The following SPOCK1 variants were observed in gnomAD, a reference collection of about 807,000 sequenced individuals.
SPOCK1 encodes the protein testican-1.
SPOCK1 carries 23 observed loss-of-function variants against 55.3 expected under a neutral mutation model. The observed-to-expected ratio is 0.42, with a 90% CI of 0.30 to 0.59. The LOEUF (loss-of-function observed/expected upper bound fraction) is 0.59. Ranked by LOEUF, SPOCK1 falls within the 20% of genes least tolerant of loss-of-function variation. The probability of loss-of-function intolerance (pLI) is 0.22; values close to 1 mark genes in which losing one functional copy is unlikely to be tolerated. For missense variants in SPOCK1, 499 were observed against 552.5 expected, an observed-to-expected ratio of 0.90 and a Z score of 0.97; for synonymous variants, 226 against 221.0, an observed-to-expected ratio of 1.02 and a Z score of -0.20.
chr5:137,098,984 G>C (rs1420486736), intron 5 of SPOCK1, among the ~76,000 whole-genome samples: 2 of 37,732 alleles, frequency 5.3e-5, no homozygotes, highest in East Asian at 1.6e-3. Context: ...CAACAAATGA[G>C]AGCAGGCTTT....
chr5:137,114,665 A>G (rs377652096), intron 4 of SPOCK1, among the ~76,000 whole-genome samples: 1 of 152,230 alleles, frequency 6.6e-6, no homozygotes, highest in East Asian at 1.9e-4. Context: ...GGCTGTCAGC[A>G]TGGGGTTAAT....
intron 6 of SPOCK1, among the ~76,000 whole-genome samples, chr5:136,999,831 G>A (rs1171107005): frequency 6.6e-6 from 1 of 152,170 alleles, no homozygotes; most frequent in Non-Finnish European, 1.5e-5. Flanking sequence ...CCCAATTGGG[G>A]ATGTCCGAAA....
intron 2 of SPOCK1, among the ~76,000 whole-genome samples, chr5:137,314,738 A>C (rs937572124): frequency 2.0e-5 from 3 of 152,124 alleles, no homozygotes; most frequent in Non-Finnish European, 4.4e-5. Context: ...CCATATTTAA[A>C]GGTTTTAGAG....
intron 9 of SPOCK1, among the ~76,000 whole-genome samples, chr5:136,981,396 TGTG>T (rs1406346589): frequency 1.3e-5 from 2 of 152,240 alleles, no homozygotes; most frequent in South Asian, 2.1e-4. Flanking sequence ...TTATTCACTT[TGTG>T]TTGTTCCTAT....
At chr5:137,224,361 T>C (rs1188327562) in intron 3 of SPOCK1, among the ~76,000 whole-genome samples, 1 of 152,208 alleles carries the variant, frequency 6.6e-6, no homozygotes, top group Non-Finnish European at 1.5e-5. Context: ...TACACATACA[T>C]TGTGACTTAA....
chr5:137,129,202 T>C (rs1753829848), intron 4 of SPOCK1, among the ~76,000 whole-genome samples: 1 of 152,134 alleles, frequency 6.6e-6, no homozygotes, highest in Non-Finnish European at 1.5e-5. Flanking sequence ...AGCACAGGCC[T>C]CCCCTTTCTC....
At chr5:136,980,885 C>A (rs555755306) in intron 9 of SPOCK1, among the ~76,000 whole-genome samples, 3 of 152,086 alleles carry the variant, frequency 2.0e-5, no homozygotes, top group East Asian at 1.9e-4. Flanking sequence ...ATATCTTGAG[C>A]CTGGTGCTCA....
chr5:137,364,115 T>C (rs1165834141), intron 2 of SPOCK1, among the ~76,000 whole-genome samples: 2 of 152,236 alleles, frequency 1.3e-5, no homozygotes, highest in Non-Finnish European at 2.9e-5. Flanking sequence ...CTGATCTTAT[T>C]AACCTCCATC....
intron 6 of SPOCK1, among the ~76,000 whole-genome samples, chr5:137,024,609 TAAA>T (rs199966891): frequency 5.3e-5 from 7 of 132,548 alleles, no homozygotes; most frequent in Admixed American, 7.6e-5. Flanking sequence ...ATCTGACATG[TAAA>T]AAAAAAAAAA....
At chr5:137,305,848 C>T (rs1757693347) in intron 2 of SPOCK1, among the ~76,000 whole-genome samples, 2 of 152,204 alleles carry the variant, frequency 1.3e-5, no homozygotes, top group South Asian at 2.1e-4. Context: ...TCCAAGATCT[C>T]GGAGCAGGCC....
At chr5:137,117,849 T>C (rs932796556) in intron 4 of SPOCK1, among the ~76,000 whole-genome samples, 3 of 152,230 alleles carry the variant, frequency 2.0e-5, no homozygotes, top group African/African-American at 7.2e-5. Context: ...TTTCCAAAGC[T>C]GCATGAGGGC....
At chr5:137,086,344 G>A (rs995224436) in intron 5 of SPOCK1, among the ~76,000 whole-genome samples, 7 of 152,210 alleles carry the variant, frequency 4.6e-5, no homozygotes, top group African/African-American at 1.7e-4. Flanking sequence ...AACTGGACAA[G>A]GACAGTAGCA....
At position 137,330,868 on chromosome 5, in the gene SPOCK1, A is replaced by G. The variant is rs181601745; in HGVS notation, c.187-63813T>C. On this transcript the variant is annotated intron_variant, in intron 2 of 10. Coordinates refer to ENST00000394945, the MANE Select transcript of SPOCK1 (RefSeq NM_004598.4). ...ATTTTCAGCATTCCATTTATTGAAT[A>G]CCTATTATATCAGGTAACTGTGATA... Among the ~76,000 whole-genome samples, 166 of 152,350 alleles carry G rather than the reference A, an allele frequency of 1.1e-3. 1 individual carries two copies. Among genetic ancestry groups the G allele is most frequent in the Non-Finnish European group, 3.1e-4 (21 of 68,032 alleles).
At chr5:137,447,562 AG>A (rs1244248442) in intron 2 of SPOCK1, among the ~76,000 whole-genome samples, 1 of 152,206 alleles carries the variant, frequency 6.6e-6, no homozygotes, top group African/African-American at 2.4e-5. Flanking sequence ...ACAAGTAAAA[AG>A]CAAAGCTTGG....
At chr5:137,109,848 CCTCT>C (rs1389699164) in intron 5 of SPOCK1, among the ~76,000 whole-genome samples, 1 of 152,160 alleles carries the variant, frequency 6.6e-6, no homozygotes, top group Non-Finnish European at 1.5e-5. Flanking sequence ...TCTCTCCAAC[CCTCT>C]CTTTCAGAAC....
At chr5:137,103,911 G>A (rs1055139750) in intron 5 of SPOCK1, among the ~76,000 whole-genome samples, 2 of 152,192 alleles carry the variant, frequency 1.3e-5, no homozygotes. Context: ...AGCAAGGACT[G>A]GGTGGAAAAG....
chr5:137,169,804 C>T (rs1001822339), intron 3 of SPOCK1, among the ~76,000 whole-genome samples: 1 of 152,128 alleles, frequency 6.6e-6, no homozygotes, highest in Non-Finnish European at 1.5e-5. Flanking sequence ...TGACCACTGC[C>T]CCAGAGCATG....
At chr5:137,175,199 G>C (rs1472218460) in intron 3 of SPOCK1, among the ~76,000 whole-genome samples, 1 of 152,190 alleles carries the variant, frequency 6.6e-6, no homozygotes, top group African/African-American at 2.4e-5. Context: ...TGGAAAAGAG[G>C]GTGTTAGGAG....
At chr5:136,988,229 TG>T (rs1291274014) in intron 8 of SPOCK1, among the ~76,000 whole-genome samples, 192 bp downstream of exon 8, 22 of 152,208 alleles carry the variant, frequency 1.4e-4, no homozygotes, top group Admixed American at 3.3e-4. Context: ...TTTATACTCT[TG>T]GTTTTTCTAG....
Sources: gnomAD v4.1 joint callset for allele counts (sites outside exome capture counted in the v4.1 genomes callset) on GRCh38, gnomAD v4.1.1 for gene constraint, MANE v1.5 for transcripts, NCBI Gene and HGNC (gene_info 2026-07-23, HGNC 2026-07-21) for gene names.